Variants in ADCY10 observed in about 807,000 individuals in gnomAD.
ADCY10 encodes adenylate cyclase 10, also known as adenylate cyclase type 10.
Under a neutral mutation model 183.3 loss-of-function variants are expected in ADCY10, and 156 were observed. The ratio of observed to expected loss-of-function variants is 0.85; its 90% CI spans 0.75 to 0.97. ADCY10 has a LOEUF of 0.97. Ranked by LOEUF, ADCY10 falls within the 50% of genes least tolerant of loss-of-function variation. ADCY10 has a pLI of 0.00. For missense variants in ADCY10, 1,745 were observed against 1,934.3 expected (o/e 0.90, Z 1.84); for synonymous variants, 645 against 670.0 (o/e 0.96, Z 0.58).
At chr1:167,891,453 G>A (rs1398901252) in intron 8 of ADCY10, among the ~76,000 whole-genome samples, 1 of 151,386 alleles carries the variant, frequency 6.6e-6, no homozygotes, top group African/African-American at 2.4e-5. Context: ...TCAGGAGATC[G>A]AGACCATCCT....
At chr1:167,865,957 G>A (rs551094040) in intron 14 of ADCY10, among the ~76,000 whole-genome samples, 22 of 152,272 alleles carry the variant, frequency 1.4e-4, no homozygotes, top group African/African-American at 5.1e-4. Context: ...GTCAGCCCCC[G>A]AGGGCCATCC....
intron 4 of ADCY10, 71 bp from the exon 5 acceptor site, chr1:167,901,876 T>C: frequency 6.2e-7 from 1 of 1,612,366 alleles, no homozygotes; most frequent in South Asian, 1.1e-5. Context: ...GAGATCTGTA[T>C]AGAAACTTAC....
chr1:167,899,310 C>T (rs1286404997), intron 6 of ADCY10, 113 bp downstream of exon 6: 11 of 1,069,664 alleles, frequency 1.0e-5, no homozygotes, highest in Non-Finnish European at 1.4e-5. Context: ...CTGACCCCAT[C>T]CCAATCTCCA....
chr1:167,864,402 C>T (rs1666521832), intron 14 of ADCY10, among the ~76,000 whole-genome samples: 1 of 152,106 alleles, frequency 6.6e-6, no homozygotes. Context: ...GTGGGTTGGC[C>T]ATCAGAAGGA....
At chr1:167,839,089 T>G (rs1459754768) in intron 21 of ADCY10, among the ~76,000 whole-genome samples, 1 of 152,200 alleles carries the variant, frequency 6.6e-6, no homozygotes, top group Non-Finnish European at 1.5e-5. Context: ...TAATCTCCCT[T>G]CTATTCCTAT....
Position 167,860,972 on chromosome 1 carries a change from A to G in ADCY10, c.1708T>C (p.Cys570Arg), listed in dbSNP as rs758474123. 6.2e-7 allele frequency: 1 copy of G among 1,614,172 alleles called. No individual in the cohort carries two copies. The highest frequency in any genetic ancestry group is 1.7e-5 in the Admixed American group (1 of 60,028). The change falls in exon 15 of 33, where the codon TGT becomes CGT. Residue 570 changes from cysteine to arginine, a missense_variant. Transcript: ENST00000367851. Reference sequence around the variant, plus strand: ...GTCTGTCGTTCTTTATAATGTTTACAAGTGTCTAGGCCTAGGACATTGGCC... The same window carrying G: ...GTCTGTCGTTCTTTATAATGTTTACGAGTGTCTAGGCCTAGGACATTGGCC... ...FMANVLGLDT[C>R]KHYKERQTNL... is the part of the protein sequence containing the mutation.
intron 28 of ADCY10, among the ~76,000 whole-genome samples, chr1:167,824,026 A>G (rs972281149): frequency 7.2e-5 from 11 of 152,224 alleles, no homozygotes; most frequent in African/African-American, 2.7e-4. Flanking sequence ...TCTGTTTAAA[A>G]TAAAAAAGAC....
intron 19 of ADCY10, among the ~76,000 whole-genome samples, chr1:167,846,967 C>A (rs1002502600): frequency 6.6e-6 from 1 of 151,736 alleles, no homozygotes; most frequent in Non-Finnish European, 1.5e-5. Flanking sequence ...ACTCTTGTTG[C>A]CCAAGCTGGA....
intron 29 of ADCY10, among the ~76,000 whole-genome samples, chr1:167,822,414 T>C (rs1224279110): frequency 2.6e-5 from 4 of 152,184 alleles, no homozygotes; most frequent in Non-Finnish European, 5.9e-5. Context: ...CTGGCCTTAG[T>C]GCAGCCTAGG....
At chr1:167,831,887 A>G (rs1663765306) in intron 25 of ADCY10, among the ~76,000 whole-genome samples, 1 of 152,178 alleles carries the variant, frequency 6.6e-6, no homozygotes, top group Non-Finnish European at 1.5e-5. Context: ...GTGTAATGCA[A>G]AGACCACTGC....
chr1:167,819,962 T>G (rs1326360585), intron 30 of ADCY10: 4 of 1,279,970 alleles, frequency 3.1e-6, no homozygotes, highest in Middle Eastern at 1.8e-4. Flanking sequence ...TGTGCTGTAT[T>G]CTTCCATTGT....
At chr1:167,872,075 C>T (rs929340000) in intron 13 of ADCY10, among the ~76,000 whole-genome samples, 1 of 152,120 alleles carries the variant, frequency 6.6e-6, no homozygotes, top group Non-Finnish European at 1.5e-5. Flanking sequence ...GGAGCGGTGG[C>T]TCACGCCTGT....
At chr1:167,840,356 T>C (rs1487657607) in intron 21 of ADCY10, among the ~76,000 whole-genome samples, 1 of 100,562 alleles carries the variant, frequency 9.9e-6, no homozygotes, top group Non-Finnish European at 1.9e-5. Context: ...GTGAATCATA[T>C]TATTATTACT....
chr1:167,893,927 C>T lies in ADCY10; in HGVS notation c.754G>A (p.Ala252Thr), dbSNP rs962699450. The part of the protein sequence containing the change: ...SGEHKNLLRL[A>T]CTLKPDPELE... ...TCAGGATCAGGCTTCAGCGTGCATG[C>T]AAGCCTCAGGAGGTCTAAGAAGGCA... The change falls in exon 8 of 33, where the codon GCA becomes ACA. Residue 252 changes from alanine to threonine, a missense_variant. Transcript: ENST00000367851. The T allele has an allele frequency of 6.2e-7, 1 of 1,612,976 alleles. No individual in the cohort carries two copies. Among genetic ancestry groups the T allele is most frequent in the African/African-American group, 1.3e-5 (1 of 74,850 alleles).
At position 167,823,261 on chromosome 1, in the gene ADCY10, C is replaced by A. The variant is rs181354810; in HGVS notation, c.4053-138G>T. The stretch of plus-strand genomic sequence containing the variant: ...CCAACATGGTGAAACCCCATCTCCA[C>A]TAAAAATACAAAAATTAGCTGGGCA... On this transcript the variant is annotated intron_variant, in intron 28 of 32. Coordinates refer to ENST00000367851, the MANE Select transcript of ADCY10 (RefSeq NM_018417.6). 2.2e-4 allele frequency: 148 copies of A among 663,654 alleles called. 3 individuals are homozygous for A. The East Asian group carries it at 3.8e-3, about 17-fold the overall frequency. The allele number at this position is 663,654 out of a possible 1,614,324, so 41.1% of individuals were successfully genotyped here.
At chr1:167,859,198 GT>G (rs1666117166) in intron 16 of ADCY10, among the ~76,000 whole-genome samples, 1 of 152,142 alleles carries the variant, frequency 6.6e-6, no homozygotes, top group Non-Finnish European at 1.5e-5. Flanking sequence ...TAGGAATATG[GT>G]TTTGGTGTTT....
Position 167,856,409 on chromosome 1 carries a change from T to C in ADCY10, c.1927A>G (p.Ile643Val). ...GAATCCACAAACTGGGCCTCATCAA[T>C]GATAAAAATAATCCTTTCCTCTTTC... ...IVKEERIIFI[I>V]DEAQFVDSTS... is the part of the protein sequence containing the mutation. Residue 643 changes from isoleucine (I) to valine (V), a missense_variant, in exon 17 of 33, where the codon ATT (isoleucine) becomes GTT (valine). Physicochemically the swap from Ile to Val is conservative, Grantham distance 29. Coordinates refer to ENST00000367851, the MANE Select transcript of ADCY10 (RefSeq NM_018417.6). The C allele has an allele frequency of 6.2e-7, 1 of 1,614,186 alleles. No homozygotes were observed. The highest frequency in any genetic ancestry group is 8.5e-7 in the Non-Finnish European group (1 of 1,180,024).
chr1:167,884,729 G>A (rs1459156143), intron 8 of ADCY10, among the ~76,000 whole-genome samples: 12 of 131,878 alleles, frequency 9.1e-5, no homozygotes, highest in African/African-American at 3.5e-4. Flanking sequence ...ACGGAGTCTC[G>A]CTCTGTTGCT....
At chr1:167,836,246 T>A (rs912542078) in intron 23 of ADCY10, 63 bp downstream of exon 23, 76 of 1,136,706 alleles carry the variant, frequency 6.7e-5, no homozygotes, top group Middle Eastern at 1.9e-4. Flanking sequence ...TGGAGCTTCC[T>A]TCTGGCTCTA....
Sources: gnomAD v4.1 joint callset for allele counts (sites outside exome capture counted in the v4.1 genomes callset) on GRCh38, gnomAD v4.1.1 for gene constraint, MANE v1.5 for transcripts, NCBI Gene and HGNC (gene_info 2026-07-23, HGNC 2026-07-21) for gene names.